RNF223: variants seen among roughly 807,000 people sequenced by gnomAD.
The protein encoded by RNF223 is ring finger protein 223.
A neutral mutation model predicts 13.9 loss-of-function variants in RNF223; 10 were observed. The ratio of observed to expected loss-of-function variants is 0.72; its 90% CI spans 0.44 to 1.22. The LOEUF is 1.22. RNF223 is among the 50% of genes most tolerant of loss of function. The probability of loss-of-function intolerance (pLI) is 0.00; values close to 1 mark genes in which losing one functional copy is unlikely to be tolerated. For synonymous variants in RNF223, 168 were observed against 173.3 expected (o/e 0.97, Z 0.24); for missense variants, 379 against 380.0 (o/e 1.00, Z 0.02).
chr1:1,072,616 C>A (rs1570284781), intron 1 of RNF223, 41 bp from the exon 2 acceptor site: 2 of 1,418,956 alleles, frequency 1.4e-6, no homozygotes, highest in Non-Finnish European at 1.8e-6. Flanking sequence ...CCGGCCGCCC[C>A]TTTCTGGTGG....
chr1:1,072,062 C>T lies in RNF223; in HGVS notation c.505G>A (p.Glu169Lys), dbSNP rs982509627. 1.5e-5 allele frequency: 22 copies of T among 1,494,622 alleles called. No homozygotes were observed. The East Asian group carries it at 3.5e-4, about 24-fold the overall frequency. The allele number at this position is 1,494,622 out of a possible 1,614,324, so 92.6% of individuals were successfully genotyped here. A position where few individuals can be genotyped will look rare whatever the true frequency, so the allele number is the denominator to read the frequency against. ...GGGTCCCGGGCGGGCGCGGGCGGCTCGGCAGGCTTGCTCAAACCCACGTCC... is the reference window on the plus strand; with the variant it reads ...GGGTCCCGGGCGGGCGCGGGCGGCTTGGCAGGCTTGCTCAAACCCACGTCC... ...CVDVGLSKPA[E>K]PPAPARDPAP... The change falls in exon 2 of 2, where the codon GAG becomes AAG. Residue 169 changes from glutamate to lysine, a missense_variant. Transcript: ENST00000453464.
In RNF223 at chr1:1,071,872, CG is replaced by C. The variant is rs771408178; in HGVS notation, c.694del (p.Arg232GlyfsTer15). The stretch of plus-strand genomic sequence containing the variant: ...GGCGGCTGTGCTGGTGGCCGGGGGC[CG>C]GGGGGGCAGGGGCAGGCAGCGCAGG... Reference protein sequence around the residue: ...GNLRCLPLPPRPPATSTAASP... With the variant: ...GNLRCLPLPPXPPATSTAASP... On this transcript the variant is annotated frameshift_variant, in exon 2 of 2. Transcript: ENST00000453464. LOFTEE classifies it high-confidence loss of function. The C allele has an allele frequency of 5.7e-5, 63 of 1,097,938 alleles. No homozygotes were observed. Among genetic ancestry groups the C allele is most frequent in the African/African-American group, 1.2e-4 (7 of 57,948 alleles). The allele number at this position is 1,097,938 out of a possible 1,614,324, so 68.0% of individuals were successfully genotyped here.
rs1444048512 is a variant in RNF223, at chr1:1,071,750, GC to G, written c.*66del. On this transcript the variant is annotated 3_prime_UTR_variant, in exon 2 of 2. Transcript: ENST00000453464. ...CTTCCAGTGGCTGCTGTGCCCTTGG[GC>G]CCCCCAGTGGGGGACGCCCCATGGA... is the stretch of plus-strand genomic sequence containing the variant. 27 of 1,312,598 alleles carry G rather than the reference GC, an allele frequency of 2.1e-5. No homozygotes were observed. In the East Asian group the frequency reaches 6.8e-4, roughly 33 times the overall value. The allele number at this position is 1,312,598 out of a possible 1,614,324, so 81.3% of individuals were successfully genotyped here.
rs962389560 is a variant in RNF223, at chr1:1,072,211, C to T, written c.356G>A (p.Arg119His). ...CGCCGGCATCCGGGCCTGCAGCTGG[C>T]GGCTGGTGCACAGCGCGGGGGCTCC... ...PAGAPALCTS[R>H]QLQARMPAHL... is the part of the protein sequence containing the mutation. The change falls in exon 2 of 2, where the codon CGC (arginine) becomes CAC (histidine). Residue 119 changes from arginine to histidine, a missense_variant. Physicochemically the swap from Arg to His is conservative, Grantham distance 29. Coordinates refer to ENST00000453464, the MANE Select transcript of RNF223 (RefSeq NM_001205252.2). The T allele has an allele frequency of 3.8e-5, 57 of 1,494,072 alleles. No homozygotes were observed. In the East Asian group the frequency reaches 4.7e-4, roughly 12 times the overall value. The allele number at this position is 1,494,072 out of a possible 1,614,324, so 92.6% of individuals were successfully genotyped here. A position where few individuals can be genotyped will look rare whatever the true frequency, so the allele number is the denominator to read the frequency against.
Position 1,071,562 on chromosome 1 carries a change from G to A in RNF223, c.*255C>T, listed in dbSNP as rs1645639151. 3 of 422,212 alleles carry A rather than the reference G, an allele frequency of 7.1e-6. No individual in the cohort carries two copies. The highest frequency in any genetic ancestry group is 5.1e-5 in the South Asian group (1 of 19,446). 26.2% of individuals were successfully genotyped at this position (422,212 alleles called of 1,614,324 possible). ...ATGACAGGCGTGAGCCACCGCGCCC[G>A]GTGAGACTGTGGTTCTTGGAGGCTT... On this transcript the variant is annotated 3_prime_UTR_variant, in exon 2 of 2. Coordinates refer to ENST00000453464, the MANE Select transcript of RNF223 (RefSeq NM_001205252.2).
intron 1 of RNF223, among the ~76,000 whole-genome samples, chr1:1,073,607 C>T (rs1344244564): frequency 1.3e-5 from 2 of 152,186 alleles, no homozygotes; most frequent in Non-Finnish European, 2.9e-5. Flanking sequence ...CCCTGCTCCA[C>T]CTCCCGCCCC....
Position 1,072,538 on chromosome 1 carries a change from G to C in RNF223, c.29C>G (p.Thr10Arg). The C allele has an allele frequency of 6.5e-7, 1 of 1,530,102 alleles. No homozygotes were observed. Among genetic ancestry groups the C allele is most frequent in the Middle Eastern group, 1.7e-4 (1 of 5,964 alleles). The allele number at this position is 1,530,102 out of a possible 1,614,324, so 94.8% of individuals were successfully genotyped here. A position where few individuals can be genotyped will look rare whatever the true frequency, so the allele number is the denominator to read the frequency against. The change falls in exon 2 of 2, where the codon ACG (threonine) becomes AGG (arginine). Residue 10 changes from threonine to arginine, a missense_variant. Thr to Arg is a moderately conservative substitution (Grantham distance 71, BLOSUM62 -1). Coordinates refer to ENST00000453464, the MANE Select transcript of RNF223 (RefSeq NM_001205252.2). MSSGQQVWH[T>R]AVPPPRRSSS... Reference sequence around the variant, plus strand: ...GCTCCGGCGAGGGGGTGGCACAGCCGTGTGCCACACCTGCTGGCCTGACGA... The same window carrying C: ...GCTCCGGCGAGGGGGTGGCACAGCCCTGTGCCACACCTGCTGGCCTGACGA...
chr1:1,072,241 G>C lies in RNF223; in HGVS notation c.326C>G (p.Pro109Arg). The change falls in exon 2 of 2, where the codon CCC becomes CGC. Residue 109 changes from proline to arginine, a missense_variant. Coordinates refer to ENST00000453464, the MANE Select transcript of RNF223 (RefSeq NM_001205252.2). ...PFCRQPTAVP[P>R]AGAPALCTSR... is the part of the protein sequence containing the mutation. ...GGTGCACAGCGCGGGGGCTCCGGCGGGCGGCACGGCCGTGGGCTGCCTGCA... is the reference window on the plus strand; with the variant it reads ...GGTGCACAGCGCGGGGGCTCCGGCGCGCGGCACGGCCGTGGGCTGCCTGCA... 2 of 1,447,986 alleles carry C rather than the reference G, an allele frequency of 1.4e-6. No homozygotes were observed. Among genetic ancestry groups the C allele is most frequent in the Non-Finnish European group, 9.0e-7 (1 of 1,107,704 alleles). 89.7% of individuals were successfully genotyped at this position (1,447,986 alleles called of 1,614,324 possible).
In RNF223 at chr1:1,073,467, G is replaced by A. The variant is rs140605262; in HGVS notation, c.-10+549C>T. Among the ~76,000 whole-genome samples, 158 of 152,332 alleles carry A rather than the reference G, an allele frequency of 1.0e-3. No homozygotes were observed. In the Middle Eastern group the frequency reaches 0.017, roughly 16 times the overall value. Reference sequence around the variant, plus strand: ...GGTGATGGTCAGGGCACCCTCAGCCGCCCACTGAGTGGGTGTTTCTTCTCC... The same window carrying A: ...GGTGATGGTCAGGGCACCCTCAGCCACCCACTGAGTGGGTGTTTCTTCTCC... On this transcript the variant is annotated intron_variant, in intron 1 of 1. Transcript: ENST00000453464.
rs1053460718 is a variant in RNF223, at chr1:1,071,263, C to G, written c.*554G>C. The G allele has an allele frequency of 6.6e-6, 1 of 152,504 alleles. No homozygotes were observed. Among genetic ancestry groups the G allele is most frequent in the Non-Finnish European group, 1.5e-5 (1 of 68,430 alleles). 9.4% of individuals were successfully genotyped at this position (152,504 alleles called of 1,614,324 possible). ...GCTGCTCTCCTGGACCCTTCCTGTA[C>G]GAGCCTGTTTTTTTTTGTTTTGTTT... On this transcript the variant is annotated 3_prime_UTR_variant, in exon 2 of 2. Coordinates refer to ENST00000453464, the MANE Select transcript of RNF223 (RefSeq NM_001205252.2).
In RNF223 at chr1:1,071,609, C is replaced by T; in HGVS notation, c.*208G>A. 2.0e-6 allele frequency: 1 copy of T among 504,184 alleles called. No individual in the cohort carries two copies. Among genetic ancestry groups the T allele is most frequent in the Non-Finnish European group, 3.5e-6 (1 of 289,538 alleles). 31.2% of individuals were successfully genotyped at this position (504,184 alleles called of 1,614,324 possible). ...GCTTTGGGGATCCTCTTGTCCACCC[C>T]GTCAGGACCCAGCCTGGAGAATGAG... On this transcript the variant is annotated 3_prime_UTR_variant, in exon 2 of 2. Transcript: ENST00000453464.
chr1:1,071,956 A>G lies in RNF223; in HGVS notation c.611T>C (p.Leu204Pro). The G allele has an allele frequency of 6.5e-7, 1 of 1,533,978 alleles. No individual in the cohort carries two copies. Residue 204 changes from leucine to proline, a missense_variant, in exon 2 of 2, where the codon CTG becomes CCG. Physicochemically the swap from Leu to Pro is moderately conservative, Grantham distance 98 (BLOSUM62 -3). Coordinates refer to ENST00000453464, the MANE Select transcript of RNF223 (RefSeq NM_001205252.2). ...WRRMALVSAL[L>P]LMLFCVALWP... ...GAGTGCCACACAGAAGAGCATCAGC[A>G]GCAGGGCAGAGACCAGTGCCATGCG...
At chr1:1,073,280 C>T (rs1288106087) in intron 1 of RNF223, among the ~76,000 whole-genome samples, 2 of 152,200 alleles carry the variant, frequency 1.3e-5, no homozygotes, top group Admixed American at 1.3e-4. Flanking sequence ...AGGGCCCAGG[C>T]AGGGGCAGGG....
Position 1,072,343 on chromosome 1 carries a change from C to T in RNF223, c.224G>A (p.Cys75Tyr). ...PKELSCTHVF[C>Y]LECLARLAAA... Reference sequence around the variant, plus strand: ...CGCCAGCCGGGCCAGGCACTCCAGGCAGAAGACGTGGGTGCAGGAGAGCTC... The same window carrying T: ...CGCCAGCCGGGCCAGGCACTCCAGGTAGAAGACGTGGGTGCAGGAGAGCTC... The change falls in exon 2 of 2, where the codon TGC becomes TAC. Residue 75 changes from cysteine to tyrosine, a missense_variant. Transcript: ENST00000453464. 3 of 1,450,518 alleles carry T rather than the reference C, an allele frequency of 2.1e-6. No individual in the cohort carries two copies. Among genetic ancestry groups the T allele is most frequent in the Non-Finnish European group, 1.8e-6 (2 of 1,109,106 alleles). The allele number at this position is 1,450,518 out of a possible 1,614,324, so 89.9% of individuals were successfully genotyped here.
intron 1 of RNF223, among the ~76,000 whole-genome samples, chr1:1,072,928 A>G (rs891471432): frequency 1.1e-4 from 17 of 152,214 alleles, no homozygotes; most frequent in Non-Finnish European, 1.0e-4. Flanking sequence ...GGTGAGGATG[A>G]CAATAGCCAC....
At position 1,072,440 on chromosome 1, in the gene RNF223, C is replaced by A. The variant is rs763989445; in HGVS notation, c.127G>T (p.Glu43Ter). 2.0e-6 allele frequency: 3 copies of A among 1,509,520 alleles called. No homozygotes were observed. In the African/African-American group the frequency reaches 4.2e-5, roughly 21 times the overall value. The allele number at this position is 1,509,520 out of a possible 1,614,324, so 93.5% of individuals were successfully genotyped here. The change falls in exon 2 of 2, where the codon GAG (glutamate) becomes TAG (stop). Residue 43 changes from glutamate (E) to a stop codon, truncating the protein, a stop_gained. Coordinates refer to ENST00000453464, the MANE Select transcript of RNF223 (RefSeq NM_001205252.2). LOFTEE classifies it high-confidence loss of function. ...SPRSPGTPGS[E>*]RVASPLECSI... ...CACTCCAGGGGGGAGGCCACCCTCT[C>A]CGAGCCAGGGGTGCCAGGGGACCTG...
chr1:1,072,028 CG>C lies in RNF223; in HGVS notation c.538del (p.Arg180AlafsTer26), dbSNP rs746194121. 19 of 1,491,484 alleles carry C rather than the reference CG, an allele frequency of 1.3e-5. No homozygotes were observed. Among genetic ancestry groups the C allele is most frequent in the Admixed American group, 4.5e-5 (2 of 44,356 alleles). 92.4% of individuals were successfully genotyped at this position (1,491,484 alleles called of 1,614,324 possible). ...PPAPARDPAP[R>X]RGRLARCWAR... ...CCAGCAGCGGGCCAGGCGGCCCCGG[CG>C]GGGGGCAGGGTCCCGGGCGGGCGCG... On this transcript the variant is annotated frameshift_variant, in exon 2 of 2. Coordinates refer to ENST00000453464, the MANE Select transcript of RNF223 (RefSeq NM_001205252.2). LOFTEE classifies it high-confidence loss of function.
In RNF223 at chr1:1,071,858, T is replaced by TGGTGGCC; in HGVS notation, c.702_708dup (p.Ser237GlyfsTer14). On this transcript the variant is annotated frameshift_variant, in exon 2 of 2. Transcript: ENST00000453464. LOFTEE classifies it high-confidence loss of function. The stretch of plus-strand genomic sequence containing the variant: ...GGCCCGAGGGGGGAGGCGGCTGTGC[T>TGGTGGCC]GGTGGCCGGGGGCCGGGGGGGCAGG... 1 of 1,472,168 alleles carries TGGTGGCC rather than the reference T, an allele frequency of 6.8e-7. No homozygotes were observed. Among genetic ancestry groups the TGGTGGCC allele is most frequent in the Non-Finnish European group, 9.0e-7 (1 of 1,105,158 alleles). 91.2% of individuals were successfully genotyped at this position (1,472,168 alleles called of 1,614,324 possible). A position where few individuals can be genotyped will look rare whatever the true frequency, so the allele number is the denominator to read the frequency against.
At chr1:1,072,947 C>A (rs547809355) in intron 1 of RNF223, among the ~76,000 whole-genome samples, 2 of 152,368 alleles carry the variant, frequency 1.3e-5, no homozygotes, top group Middle Eastern at 3.4e-3. Flanking sequence ...ACAGTCGTCA[C>A]TGTTTATGTC....
Sources: gnomAD v4.1 joint callset for allele counts (sites outside exome capture counted in the v4.1 genomes callset) on GRCh38, gnomAD v4.1.1 for gene constraint, MANE v1.5 for transcripts, NCBI Gene and HGNC (gene_info 2026-07-23, HGNC 2026-07-21) for gene names.